The following MUC4 variants were observed in gnomAD, a reference collection of about 807,000 sequenced individuals.
MUC4 encodes mucin-4.
Under a neutral mutation model 257.9 loss-of-function variants are expected in MUC4, and 202 were observed. The ratio of observed to expected loss-of-function variants is 0.78; its 90% CI spans 0.70 to 0.88. The LOEUF is 0.88. Among genes scored for constraint, MUC4 ranks in the 40% least tolerant of loss-of-function variants. The pLI, the probability that MUC4 is intolerant of heterozygous loss-of-function variation, is 0.00. For missense variants in MUC4, 5,976 were observed against 6,513.7 expected, an observed-to-expected ratio of 0.92 and a Z score of 2.84; for synonymous variants, 2,351 against 2,757.1, an observed-to-expected ratio of 0.85 and a Z score of 4.62.
rs529195440 is a variant in MUC4, at chr3:195,780,318, G to T, written c.11262C>A (p.Ser3754=). The change falls in exon 2 of 25, where the codon TCC becomes TCA. Residue 3754 remains serine (S), a synonymous_variant. Transcript: ENST00000463781. ...CAAGAAGAGGGGTGGCGTGACCTGT[G>T]GATGCTGAGGAAGTGCTGGTGACAG... The part of the protein sequence containing the change: ...PLPVTSTSSA[S]TGHATPLLVT... The T allele has an allele frequency of 4.1e-6, 6 of 1,464,102 alleles. No individual in the cohort carries two copies. The highest frequency in any genetic ancestry group is 5.5e-6 in the Non-Finnish European group (6 of 1,098,026). The allele number at this position is 1,464,102 out of a possible 1,614,324, so 90.7% of individuals were successfully genotyped here. A position where few individuals can be genotyped will look rare whatever the true frequency, so the allele number is the denominator to read the frequency against.
rs758206299 is a variant in MUC4, at chr3:195,757,181, T to C, written c.15134A>G (p.Asn5045Ser). The C allele has an allele frequency of 1.1e-5, 17 of 1,607,496 alleles. No individual in the cohort carries two copies. Among genetic ancestry groups the C allele is most frequent in the East Asian group, 2.2e-5 (1 of 44,646 alleles). Residue 5045 changes from asparagine to serine, a missense_variant, in exon 18 of 25, where the codon AAT becomes AGT. This residue lies in a region of MUC4 where 996 missense variants were observed against 1,137.3 expected (regional missense o/e 0.88). Coordinates refer to ENST00000463781, the MANE Select transcript of MUC4 (RefSeq NM_018406.7). The surrounding 1 kb of genome is among the most constrained non-coding windows in gnomAD (Gnocchi z 4.8). ...GGAGTTGCCCACCCTGCTGGTCTGA[T>C]TGTACAAACACTGGCTCTCTGCATT... ...HCNAESQCLYNQTSRVGNSSL... is the reference protein window; with the variant it reads ...HCNAESQCLYSQTSRVGNSSL...
At chr3:195,768,060 C>T (rs1412924184) in intron 7 of MUC4, among the ~76,000 whole-genome samples, 1 of 152,112 alleles carries the variant, frequency 6.6e-6, no homozygotes, top group Non-Finnish European at 1.5e-5. Flanking sequence ...CCCTGGGTGC[C>T]TGCTGCAGAG....
chr3:195,772,082 C>A (rs1723006948), intron 4 of MUC4, among the ~76,000 whole-genome samples: 2 of 152,274 alleles, frequency 1.3e-5, no homozygotes, highest in Admixed American at 1.3e-4. Flanking sequence ...GTGGACCAGC[C>A]CCTCACAGGC....
chr3:195,770,788 G>A (rs1049226273), intron 5 of MUC4: 2 of 450,752 alleles, frequency 4.4e-6, no homozygotes, highest in Admixed American at 4.8e-5. Flanking sequence ...TCCTGCAGTA[G>A]CTTTCATCAC....
chr3:195,768,953 G>A, intron 7 of MUC4, 69 bp downstream of exon 7: 1 of 1,549,248 alleles, frequency 6.5e-7, no homozygotes, highest in Non-Finnish European at 8.8e-7. Context: ...GGGAGTGTGT[G>A]TGCAGCGAAA....
chr3:195,767,207 T>C (rs1720698966), intron 7 of MUC4, among the ~76,000 whole-genome samples: 1 of 152,076 alleles, frequency 6.6e-6, no homozygotes, highest in African/African-American at 2.4e-5. Context: ...CACAGACAAG[T>C]TACTGACCCT....
chr3:195,751,334 C>T (rs1311295621), intron 21 of MUC4, 63 bp from the exon 22 acceptor site: 6 of 1,235,278 alleles, frequency 4.9e-6, no homozygotes, highest in Non-Finnish European at 7.0e-6. Context: ...AGACGCCCTC[C>T]CACCTTGATG....
rs1293063361 is a variant in MUC4 at position 195,770,348 on chromosome 3, T to C, written c.13266A>G (p.Glu4422=). 1.2e-6 allele frequency: 2 copies of C among 1,613,930 alleles called. No homozygotes were observed. The highest frequency in any genetic ancestry group is 1.3e-5 in the African/African-American group (1 of 75,010). Residue 4422 remains glutamate (E), a synonymous_variant, in exon 6 of 25, where the codon GAA becomes GAG. Transcript: ENST00000463781. ...CGGCCTGCTGGACTAGCAGGCTGTG[T>C]TCACCATAGAACGTCTCGTATTCCT... ...FYQEYETFYG[E]HSLLVQQAES... is the part of the protein sequence containing the mutation.
In MUC4 at chr3:195,784,550, A is replaced by G. The variant is rs1459131270; in HGVS notation, c.7030T>C (p.Ser2344Pro). The G allele has an allele frequency of 8.5e-6, 13 of 1,531,650 alleles. 1 individual carries two copies. The highest frequency in any genetic ancestry group is 1.1e-5 in the Non-Finnish European group (12 of 1,137,660). The allele number at this position is 1,531,650 out of a possible 1,614,324, so 94.9% of individuals were successfully genotyped here. ...TTPLPVTSPS[S>P]ASTGHATPLH... The stretch of plus-strand genomic sequence containing the variant: ...GGGGTGGCGTGACCTGTGGATGCTG[A>G]GGAAGGGCTAGTGACAGGAAGAGGC... Residue 2344 changes from serine to proline, a missense_variant, in exon 2 of 25, where the codon TCA (serine) becomes CCA (proline). Transcript: ENST00000463781.
Position 195,789,050 on chromosome 3 carries a change from T to G in MUC4, c.2530A>C (p.Thr844Pro). The G allele has an allele frequency of 6.2e-7, 1 of 1,613,780 alleles. No individual in the cohort carries two copies. Among genetic ancestry groups the G allele is most frequent in the Non-Finnish European group, 8.5e-7 (1 of 1,179,830 alleles). Residue 844 changes from threonine to proline, a missense_variant, in exon 2 of 25, where the codon ACA becomes CCA. Transcript: ENST00000463781. ...GCTGAGGCGGACAGCAATTCGGTTG[T>G]TGACTGGGTTGTGTGACTGTCCCTG... ...PSRDSHTTQS[T>P]TELLSASASH...
rs1229751386 is a variant in MUC4, at chr3:195,747,063, T to C, written c.*113A>G. ...CCCAGTATTCATTCTCCTTGAAGAA[T>C]CCTGACAGCCTTCAGTCACCTTCCC... is the stretch of plus-strand genomic sequence containing the variant. On this transcript the variant is annotated 3_prime_UTR_variant, in exon 25 of 25. Transcript: ENST00000463781. The C allele has an allele frequency of 1.4e-6, 2 of 1,392,672 alleles. No individual in the cohort carries two copies. Among genetic ancestry groups the C allele is most frequent in the Admixed American group, 1.8e-5 (1 of 54,376 alleles). 86.3% of individuals were successfully genotyped at this position (1,392,672 alleles called of 1,614,324 possible).
chr3:195,800,257 G>A (rs1038743095), intron 1 of MUC4, among the ~76,000 whole-genome samples: 14 of 151,492 alleles, frequency 9.2e-5, no homozygotes, highest in Non-Finnish European at 1.5e-4. Context: ...CAGCCTGGGC[G>A]ACAGAGCGGG....
In MUC4 at chr3:195,788,392, G is replaced by T; in HGVS notation, c.3188C>A (p.Ser1063Tyr). 6.7e-7 allele frequency: 1 copy of T among 1,487,050 alleles called. No individual in the cohort carries two copies. The highest frequency in any genetic ancestry group is 9.1e-7 in the Non-Finnish European group (1 of 1,099,470). The allele number at this position is 1,487,050 out of a possible 1,614,324, so 92.1% of individuals were successfully genotyped here. Residue 1063 changes from serine to tyrosine, a missense_variant, in exon 2 of 25, where the codon TCC becomes TAC. By Grantham distance (144) the Ser-to-Tyr change is moderately radical. Transcript: ENST00000463781. ...GGTGACGTGACCTGTGGATGCTGAG[G>T]AAGTGTCAGTGACAGGAAGAGGGGT... is the stretch of plus-strand genomic sequence containing the variant. ...DSTPLPVTDT[S>Y]SASTGHVTPL...
Position 195,763,673 on chromosome 3 carries a change from T to C in MUC4, c.14045-32A>G, listed in dbSNP as rs559151711. 5 of 1,460,984 alleles carry C rather than the reference T, an allele frequency of 3.4e-6. No homozygotes were observed. The East Asian group carries it at 1.3e-4, about 37-fold the overall frequency. 90.5% of individuals were successfully genotyped at this position (1,460,984 alleles called of 1,614,324 possible). ...GGAAAAAAGAGATGCTGCCTCAGCA[T>C]GACAAATCATGTGTAGGGCTGAGGT... On this transcript the variant is annotated intron_variant, in intron 11 of 24. Coordinates refer to ENST00000463781, the MANE Select transcript of MUC4 (RefSeq NM_018406.7).
In MUC4 at chr3:195,763,522, C is replaced by T; in HGVS notation, c.14164G>A (p.Gly4722Ser). ...GCTGAGCCAGTCTGGGCGGTGCGGC[C>T]CTGAAGCAGGAAGGAGGAGTTCCCG... is the stretch of plus-strand genomic sequence containing the variant. ...QDGNSSFLLQ[G>S]RTAQTGSAQA... Residue 4722 changes from glycine to serine, a missense_variant, in exon 12 of 25, where the codon GGC (glycine) becomes AGC (serine). Around this residue, in one of 44 missense-constraint regions of MUC4, gnomAD observed 996 missense variants for 1,137.3 expected, o/e 0.88. Transcript: ENST00000463781. 1 of 1,573,086 alleles carries T rather than the reference C, an allele frequency of 6.4e-7. No homozygotes were observed. The highest frequency in any genetic ancestry group is 1.2e-5 in the South Asian group (1 of 85,210).
At position 195,781,614 on chromosome 3, in the gene MUC4, G is replaced by A. The variant is rs866093968; in HGVS notation, c.9966C>T (p.Ser3322=). 3.2e-4 allele frequency: 170 copies of A among 533,130 alleles called. 12 individuals are homozygous for A. In the African/African-American group the frequency reaches 3.4e-3, roughly 11 times the overall value. 33.0% of individuals were successfully genotyped at this position (533,130 alleles called of 1,614,324 possible). The part of the protein sequence containing the change: ...PLLVTDASSA[S]TGHATPLHVT... ...CATGAAGAGGGGTGGCGTGACCTGT[G>A]GATGCTGAGGAAGCGTCGGTGACAA... Residue 3322 remains serine, a synonymous_variant, in exon 2 of 25, where the codon TCC becomes TCT. Transcript: ENST00000463781.
chr3:195,790,308 T>G lies in MUC4; in HGVS notation c.1272A>C (p.Lys424Asn), dbSNP rs1203083466. ...TGTCTGACCACCATATGGTTGAAAC[T>G]TTGGAAGTGATTGCAGAAATGGTTC... ...VSGTISAITS[K>N]VSTIWWSDTL... is the part of the protein sequence containing the mutation. The change falls in exon 2 of 25, where the codon AAA (lysine) becomes AAC (asparagine). Residue 424 changes from lysine to asparagine, a missense_variant. Transcript: ENST00000463781. 1.9e-6 allele frequency: 3 copies of G among 1,613,942 alleles called. No homozygotes were observed. Among genetic ancestry groups the G allele is most frequent in the Non-Finnish European group, 2.5e-6 (3 of 1,179,838 alleles).
intron 1 of MUC4, among the ~76,000 whole-genome samples, chr3:195,811,144 TATA>T (rs1357102423): frequency 9.8e-6 from 1 of 102,290 alleles, no homozygotes; most frequent in Admixed American, 1.3e-4. Flanking sequence ...TATTTTATTT[TATA>T]TTTATTTATT....
intron 1 of MUC4, among the ~76,000 whole-genome samples, chr3:195,800,232 C>T (rs1213233066): frequency 6.6e-6 from 1 of 151,842 alleles, no homozygotes; most frequent in African/African-American, 2.4e-5. Flanking sequence ...GAGCCGAGAT[C>T]GCGCCACTGC....
Sources: gnomAD v4.1 joint callset for allele counts (sites outside exome capture counted in the v4.1 genomes callset) on GRCh38, gnomAD v4.1.1 for gene constraint, gnomAD v4.1.1 regional missense constraint, Gnocchi (gnomAD v3.1) non-coding constraint, MANE v1.5 for transcripts, NCBI Gene and HGNC (gene_info 2026-07-23, HGNC 2026-07-21) for gene names.